Variants in KIF26A observed in about 807,000 individuals in gnomAD.
KIF26A encodes kinesin-like protein KIF26A.
In KIF26A, 74 loss-of-function variants were observed where a neutral mutation model predicts 126.0. The observed-to-expected ratio is 0.59, with a 90% CI of 0.49 to 0.71. KIF26A has a LOEUF of 0.71. KIF26A is among the 30% of genes least tolerant of loss of function. The pLI is 0.00. For missense variants in KIF26A, 2,984 were observed against 2,763.3 expected, an observed-to-expected ratio of 1.08 and a Z score of -1.79; for synonymous variants, 1,445 against 1,232.7, an observed-to-expected ratio of 1.17 and a Z score of -3.61.
At chr14:104,166,337 T>C (rs1191217733) in intron 4 of KIF26A, among the ~76,000 whole-genome samples, 1 of 152,082 alleles carries the variant, frequency 6.6e-6, no homozygotes, top group African/African-American at 2.4e-5. Context: ...CTGTGCTGGG[T>C]GCCTTGAGTG....
chr14:104,140,624 C>T (rs2037629097), intron 2 of KIF26A, among the ~76,000 whole-genome samples: 1 of 152,110 alleles, frequency 6.6e-6, no homozygotes, highest in Non-Finnish European at 1.5e-5. Flanking sequence ...TGGTCACGGG[C>T]AGGCCAGGGG....
intron 2 of KIF26A, among the ~76,000 whole-genome samples, chr14:104,150,477 T>C (rs1290747739): frequency 6.6e-6 from 1 of 151,798 alleles, no homozygotes; most frequent in African/African-American, 2.4e-5. Flanking sequence ...GGGAACATGA[T>C]TGCCGCACAT....
chr14:104,160,361 C>T (rs938511047), intron 4 of KIF26A, among the ~76,000 whole-genome samples: 16 of 152,194 alleles, frequency 1.1e-4, no homozygotes, highest in African/African-American at 3.9e-4. Context: ...AGGCTGCCCC[C>T]TGATCCTTTC....
chr14:104,138,590 C>T lies in KIF26A; in HGVS notation c.-133C>T. 6.1e-6 allele frequency: 4 copies of T among 654,922 alleles called. No individual in the cohort carries two copies. Among genetic ancestry groups the T allele is most frequent in the Non-Finnish European group, 8.3e-6 (4 of 483,204 alleles). 40.6% of individuals were successfully genotyped at this position (654,922 alleles called of 1,614,324 possible). A position where few individuals can be genotyped will look rare whatever the true frequency, so the allele number is the denominator to read the frequency against. ...GAGCCACCGCGCTCCTCGCGACACT[C>T]GCAGGCTCTGCGAACTTCCGAGCGG... On this transcript the variant is annotated 5_prime_UTR_variant, in exon 1 of 15. Transcript: ENST00000423312.
At chr14:104,171,268 G>A (rs1034969030) in intron 5 of KIF26A, among the ~76,000 whole-genome samples, 1 of 152,204 alleles carries the variant, frequency 6.6e-6, no homozygotes, top group Admixed American at 6.5e-5. Context: ...AGCCCTCTGC[G>A]GCTCTCACAC....
Position 104,176,490 on chromosome 14 carries a change from C to T in KIF26A, c.3702C>T (p.Gly1234=). The part of the protein sequence containing the change: ...GCARLGQSPP[G]RGGLFEDPWL... ...CTCGCCTGGGCCAGAGCCCACCTGG[C>T]CGTGGAGGCCTGTTTGAGGACCCAT... The change falls in exon 12 of 15, where the codon GGC becomes GGT. Residue 1234 remains glycine, a synonymous_variant. Transcript: ENST00000423312. 1.2e-6 allele frequency: 2 copies of T among 1,605,916 alleles called. No individual in the cohort carries two copies. The highest frequency in any genetic ancestry group is 1.7e-6 in the Non-Finnish European group (2 of 1,179,584).
At position 104,178,714 on chromosome 14, in the gene KIF26A, CT is replaced by C; in HGVS notation, c.5277del (p.Gln1760SerfsTer53). The C allele has an allele frequency of 6.4e-7, 1 of 1,558,722 alleles. No individual in the cohort carries two copies. Among genetic ancestry groups the C allele is most frequent in the Non-Finnish European group, 8.7e-7 (1 of 1,151,230 alleles). ...GTACGAGATCGATGACGTGGAGCGC[CT>C]TCAGCGGCCCCGCCCCACCCCGAGG... ...KVYEIDDVER[L>X]QRPRPTPREA... On this transcript the variant is annotated frameshift_variant, in exon 13 of 15. Transcript: ENST00000423312. LOFTEE classifies it high-confidence loss of function.
chr14:104,172,945 G>T, intron 7 of KIF26A, 32 bp from the exon 8 acceptor site: 1 of 1,552,700 alleles, frequency 6.4e-7, no homozygotes. Flanking sequence ...TGCGTGGTGT[G>T]TGGTGGGGCC....
intron 3 of KIF26A, among the ~76,000 whole-genome samples, chr14:104,155,541 C>G (rs549704444): frequency 1.4e-4 from 21 of 152,268 alleles, no homozygotes; most frequent in Non-Finnish European, 2.9e-4. Context: ...GCCCGCCCCC[C>G]CTCTCTTCTG....
chr14:104,159,327 G>C (rs185715286), intron 4 of KIF26A, among the ~76,000 whole-genome samples: 284 of 152,386 alleles, frequency 1.9e-3, no homozygotes, highest in Non-Finnish European at 3.6e-3. Context: ...GCACAGCCCT[G>C]TGGCCGTGCT....
rs1255596026 is a variant in KIF26A, at chr14:104,176,778, G to A, written c.3990G>A (p.Val1330=). The A allele has an allele frequency of 1.9e-6, 3 of 1,575,032 alleles. No individual in the cohort carries two copies. In the African/African-American group the frequency reaches 4.0e-5, roughly 21 times the overall value. ...GGGGAGATGCTCCCACGGAGGTGGTGGCCTGCTCGGGGAGCCTGAAGGCCT... is the reference window on the plus strand; with the variant it reads ...GGGGAGATGCTCCCACGGAGGTGGTAGCCTGCTCGGGGAGCCTGAAGGCCT... ...VSWGDAPTEV[V]ACSGSLKASP... is the part of the protein sequence containing the mutation. Residue 1330 remains valine, a synonymous_variant, in exon 12 of 15, where the codon GTG becomes GTA. Transcript: ENST00000423312.
At position 104,179,631 on chromosome 14, in the gene KIF26A, G is replaced by A. The variant is rs1351994258; in HGVS notation, c.5490G>A (p.Glu1830=). 1 of 1,539,566 alleles carries A rather than the reference G, an allele frequency of 6.5e-7. No individual in the cohort carries two copies. Among genetic ancestry groups the A allele is most frequent in the Non-Finnish European group, 8.8e-7 (1 of 1,141,496 alleles). The change falls in exon 15 of 15, where the codon GAG becomes GAA. Residue 1830 remains glutamate (E), a synonymous_variant. Coordinates refer to ENST00000423312, the MANE Select transcript of KIF26A (RefSeq NM_015656.2). ...LEQFEVDPEL[E]PESAEYLAAL... is the part of the protein sequence containing the mutation. ...CAGTTGAGGTGGACCCGGAGCTGGA[G>A]CCCGAGTCGGCCGAGTACCTGGCGG...
At chr14:104,168,632 T>TA (rs1566862267) in intron 5 of KIF26A, among the ~76,000 whole-genome samples, 1 of 152,176 alleles carries the variant, frequency 6.6e-6, no homozygotes. Flanking sequence ...ACTCTGGGTC[T>TA]CCACCCCGAG....
chr14:104,179,583 C>T (rs915438708), intron 14 of KIF26A, 26 bp from the exon 15 acceptor site: 14 of 1,487,040 alleles, frequency 9.4e-6, no homozygotes, highest in Admixed American at 2.2e-5. Context: ...GACGCAGGTG[C>T]CCCTCCCCTC....
rs1429966833 is a variant in KIF26A, at chr14:104,152,525, G to A, written c.735+64G>A. 1 of 1,446,894 alleles carries A rather than the reference G, an allele frequency of 6.9e-7. No individual in the cohort carries two copies. The highest frequency in any genetic ancestry group is 1.4e-5 in the African/African-American group (1 of 69,976). The allele number at this position is 1,446,894 out of a possible 1,614,324, so 89.6% of individuals were successfully genotyped here. On this transcript the variant is annotated intron_variant, in intron 3 of 14. Transcript: ENST00000423312. The surrounding 1 kb of genome is among the most constrained non-coding windows in gnomAD (Gnocchi z 5.9). ...CTTGTCAGAACTGGGCTTCCTTCGGGGGTCTCTGTCCACGTTGAGTGCCCT... is the reference window on the plus strand; with the variant it reads ...CTTGTCAGAACTGGGCTTCCTTCGGAGGTCTCTGTCCACGTTGAGTGCCCT...
intron 4 of KIF26A, among the ~76,000 whole-genome samples, chr14:104,162,077 T>G (rs2037838281): frequency 6.6e-6 from 1 of 152,202 alleles, no homozygotes; most frequent in South Asian, 2.1e-4. Flanking sequence ...GATGGTCGTT[T>G]CCATGGGGGC....
intron 12 of KIF26A, 45 bp downstream of exon 12, chr14:104,177,943 G>A (rs529612473): frequency 2.0e-5 from 29 of 1,443,968 alleles, no homozygotes; most frequent in Non-Finnish European, 2.5e-5. Context: ...CGGGCTTTCT[G>A]TGTGTAGATG....
chr14:104,179,560 C>G, intron 14 of KIF26A, 49 bp from the exon 15 acceptor site: 1 of 1,459,740 alleles, frequency 6.9e-7, no homozygotes, highest in Non-Finnish European at 9.1e-7. Flanking sequence ...TGGCTGCCCC[C>G]AGCCTCGGGC....
At chr14:104,159,549 T>C (rs1163028269) in intron 4 of KIF26A, among the ~76,000 whole-genome samples, 2 of 152,190 alleles carry the variant, frequency 1.3e-5, no homozygotes, top group Non-Finnish European at 2.9e-5. Flanking sequence ...GGCTGCCTTT[T>C]GTTTGGGAGC....
Sources: gnomAD v4.1 joint callset for allele counts (sites outside exome capture counted in the v4.1 genomes callset) on GRCh38, gnomAD v4.1.1 for gene constraint, Gnocchi (gnomAD v3.1) non-coding constraint, MANE v1.5 for transcripts, NCBI Gene and HGNC (gene_info 2026-07-23, HGNC 2026-07-21) for gene names.